Variants in RUNX2 observed in about 807,000 individuals in gnomAD.
The protein encoded by RUNX2 is runt-related transcription factor 2.
RUNX2 carries 10 observed loss-of-function variants against 51.7 expected under a neutral mutation model. The ratio of observed to expected loss-of-function variants is 0.19; its 90% CI spans 0.12 to 0.33. The LOEUF (loss-of-function observed/expected upper bound fraction) is 0.33, where lower values mean the gene tolerates loss of function less well. Ranked by LOEUF, RUNX2 falls within the 10% of genes least tolerant of loss-of-function variation. The pLI, the probability that RUNX2 is intolerant of heterozygous loss-of-function variation, is 1.00. For missense variants in RUNX2, 562 were observed against 691.3 expected, an observed-to-expected ratio of 0.81 and a Z score of 2.10; for synonymous variants, 276 against 273.6, an observed-to-expected ratio of 1.01 and a Z score of -0.09.
intron 2 of RUNX2, among the ~76,000 whole-genome samples, chr6:45,414,580 A>C (rs1457854637): frequency 6.6e-6 from 1 of 152,082 alleles, no homozygotes; most frequent in Non-Finnish European, 1.5e-5. Context: ...TATCTTGTTT[A>C]ATACAGCGTT....
chr6:45,510,777 G>T (rs972198227), intron 6 of RUNX2, among the ~76,000 whole-genome samples: 12 of 151,238 alleles, frequency 7.9e-5, no homozygotes, highest in Admixed American at 2.0e-4. Context: ...AATAATTAAT[G>T]CCTATTAAGT....
At chr6:45,479,276 C>A (rs1226534097) in intron 5 of RUNX2, among the ~76,000 whole-genome samples, 3 of 152,144 alleles carry the variant, frequency 2.0e-5, no homozygotes, top group Admixed American at 2.0e-4. Context: ...TTCCAGTGAG[C>A]TTCATAGGTT....
intron 5 of RUNX2, among the ~76,000 whole-genome samples, chr6:45,457,744 T>C (rs1184116857): frequency 6.6e-6 from 1 of 152,092 alleles, no homozygotes; most frequent in Non-Finnish European, 1.5e-5. Context: ...GGAGACTAGG[T>C]TGGGGAGGCT....
intron 7 of RUNX2, among the ~76,000 whole-genome samples, chr6:45,519,774 T>TTATATA (rs1179504865): frequency 6.7e-4 from 91 of 135,906 alleles, no homozygotes; most frequent in Middle Eastern, 3.6e-3. Context: ...AAGGATGCTA[T>TTATATA]TATATATATA....
At chr6:45,452,060 A>G (rs1270788222) in intron 5 of RUNX2, among the ~76,000 whole-genome samples, 1 of 152,226 alleles carries the variant, frequency 6.6e-6, no homozygotes, top group African/African-American at 2.4e-5. Context: ...GTGCATTATT[A>G]ATTTTGGACT....
At chr6:45,374,877 T>C (rs1796552363) in intron 2 of RUNX2, among the ~76,000 whole-genome samples, 1 of 152,238 alleles carries the variant, frequency 6.6e-6, no homozygotes, top group Non-Finnish European at 1.5e-5. Flanking sequence ...TTATTTATTA[T>C]TTAGACACAA....
chr6:45,514,891 A>T (rs1485550969), intron 7 of RUNX2, among the ~76,000 whole-genome samples: 1 of 151,496 alleles, frequency 6.6e-6, no homozygotes, highest in Non-Finnish European at 1.5e-5. Flanking sequence ...CATGACCTAG[A>T]GGCTCCTACA....
chr6:45,354,745 T>A (rs935810722), intron 2 of RUNX2, among the ~76,000 whole-genome samples: 1 of 151,994 alleles, frequency 6.6e-6, no homozygotes, highest in South Asian at 2.1e-4. Flanking sequence ...CACCCCTGTA[T>A]TCCCAGTACT....
intron 2 of RUNX2, among the ~76,000 whole-genome samples, chr6:45,353,172 A>T (rs1792426707): frequency 6.6e-6 from 1 of 152,122 alleles, no homozygotes; most frequent in East Asian, 1.9e-4. Context: ...TTAAAAGTAA[A>T]ATGAATTGCA....
At chr6:45,334,409 T>C (rs1176073180) in intron 2 of RUNX2, among the ~76,000 whole-genome samples, 1 of 143,304 alleles carries the variant, frequency 7.0e-6, no homozygotes, top group African/African-American at 2.6e-5. Context: ...CTTATAGTCA[T>C]GTATCTTACA....
chr6:45,436,361 T>C (rs368720181), intron 4 of RUNX2, among the ~76,000 whole-genome samples: 12 of 152,074 alleles, frequency 7.9e-5, no homozygotes, highest in African/African-American at 2.7e-4. Flanking sequence ...CATTTTTTCA[T>C]TTATTAGTTG....
chr6:45,422,535 C>T (rs370165337), intron 2 of RUNX2, 58 bp from the exon 3 acceptor site: 116 of 1,454,758 alleles, frequency 8.0e-5, no homozygotes, highest in Non-Finnish European at 8.0e-5. Context: ...TTCCACCCTC[C>T]TCCCCCTCCC....
intron 7 of RUNX2, among the ~76,000 whole-genome samples, chr6:45,541,532 T>C (rs1051513430): frequency 1.3e-5 from 2 of 152,210 alleles, no homozygotes; most frequent in East Asian, 1.9e-4. Context: ...TCGGATTTAT[T>C]TGAGATTTGT....
intron 5 of RUNX2, among the ~76,000 whole-genome samples, chr6:45,459,871 A>G (rs1040241250): frequency 2.6e-5 from 4 of 152,220 alleles, no homozygotes; most frequent in Admixed American, 2.6e-4. Flanking sequence ...GCTTGAATTA[A>G]ATAGGGAGCG....
rs1026630166 is a variant in RUNX2 at position 45,496,618 on chromosome 6, T to C, written c.859+4504T>C. On this transcript the variant is annotated intron_variant, in intron 6 of 8. Transcript: ENST00000647337. ...AATGACATTTCAGGCAGTAGGAAAC[T>C]CATGCAAAGCCTAGATTATGGGGAG... is the stretch of plus-strand genomic sequence containing the variant. 8.5e-5 allele frequency among the ~76,000 whole-genome samples: 13 copies of C among 152,306 alleles called. No homozygotes were observed. The East Asian group carries it at 2.3e-3, about 27-fold the overall frequency.
Position 45,465,802 on chromosome 6 carries a change from A to AT in RUNX2, c.686-26124dup, listed in dbSNP as rs36066562. ...AGGCACATACCACCACGCCTGGCTA[A>AT]TTTTTTTTTTTTTTTGTATCTTTAG... On this transcript the variant is annotated intron_variant, in intron 5 of 8. Coordinates refer to ENST00000647337, the MANE Select transcript of RUNX2 (RefSeq NM_001024630.4). 2.6e-3 allele frequency among the ~76,000 whole-genome samples: 362 copies of AT among 139,416 alleles called. 1 individual carries two copies. Among genetic ancestry groups the AT allele is most frequent in the East Asian group, 7.3e-3 (35 of 4,770 alleles). 91.5% of individuals were successfully genotyped at this position (139,416 alleles called of 152,430 possible). A position where few individuals can be genotyped will look rare whatever the true frequency, so the allele number is the denominator to read the frequency against.
rs538585382 is a variant in RUNX2 at position 45,408,285 on chromosome 6, G to A, written c.59-14308G>A. Among the ~76,000 whole-genome samples the A allele has an allele frequency of 4.1e-4, 63 of 152,156 alleles. No individual in the cohort carries two copies. In the South Asian group the frequency reaches 8.7e-3, roughly 21 times the overall value. ...CAATGCATAACAGTAAGGGAAGGTG[G>A]CCTACTTTTGCAAAGTAGGAAAAGG... On this transcript the variant is annotated intron_variant, in intron 2 of 8. Coordinates refer to ENST00000647337, the MANE Select transcript of RUNX2 (RefSeq NM_001024630.4).
chr6:45,342,296 T>C (rs2150139131), intron 2 of RUNX2, among the ~76,000 whole-genome samples: 2 of 152,186 alleles, frequency 1.3e-5, no homozygotes, highest in Middle Eastern at 6.8e-3. Context: ...AGTGTGTCGC[T>C]CTGTCACCAG....
intron 5 of RUNX2, among the ~76,000 whole-genome samples, chr6:45,449,739 ATTGAATTCAT>A (rs1799105943): frequency 6.6e-6 from 1 of 152,258 alleles, no homozygotes; most frequent in Non-Finnish European, 1.5e-5. Flanking sequence ...TTGAATGAGT[ATTGAATTCAT>A]TTTAACAGCT....
Sources: allele counts gnomAD v4.1 joint callset (sites outside exome capture counted in the v4.1 genomes callset), GRCh38; gene constraint gnomAD v4.1.1; transcripts MANE v1.5; gene names NCBI Gene and HGNC (gene_info 2026-07-23, HGNC 2026-07-21).